Variants in CHEK2 observed in about 807,000 individuals in gnomAD.
CHEK2 encodes checkpoint kinase 2, also known as serine/threonine-protein kinase Chk2.
Under a neutral mutation model 69.1 loss-of-function variants are expected in CHEK2, and 71 were observed. That is an observed-to-expected ratio of 1.03 (90% CI 0.85 to 1.25). CHEK2 has a LOEUF of 1.25. CHEK2 is among the 50% of genes most tolerant of loss of function. The probability of loss-of-function intolerance (pLI) is 0.00; values close to 1 mark genes in which losing one functional copy is unlikely to be tolerated. For synonymous variants in CHEK2, 189 were observed against 226.9 expected (o/e 0.83, Z 1.50); for missense variants, 664 against 649.6 (o/e 1.02, Z -0.24).
intron 5 of CHEK2, 60 bp downstream of exon 5, chr22:28,719,335 C>T: frequency 2.3e-6 from 2 of 858,846 alleles, no homozygotes; most frequent in Non-Finnish European, 3.7e-6. Flanking sequence ...AAATGAGAAA[C>T]CACCAATCAC....
intron 13 of CHEK2, chr22:28,689,429 C>T: frequency 1.8e-6 from 1 of 543,708 alleles, no homozygotes; most frequent in Admixed American, 2.4e-5. Context: ...TCAATCCTGG[C>T]TGACTCACAT....
chr22:28,692,809 G>C (rs1264065754), intron 13 of CHEK2, among the ~76,000 whole-genome samples: 1 of 152,230 alleles, frequency 6.6e-6, no homozygotes, highest in African/African-American at 2.4e-5. Flanking sequence ...GTTGAGAGGT[G>C]ATTGGCTCAT....
chr22:28,726,074 G>A (rs1386317719), intron 2 of CHEK2, among the ~76,000 whole-genome samples: 1 of 151,890 alleles, frequency 6.6e-6, no homozygotes, highest in Non-Finnish European at 1.5e-5. Context: ...CGTGGTGGCG[G>A]GTGCCTGTAA....
At chr22:28,726,433 T>C (rs1224496553) in intron 2 of CHEK2, 2 of 147,046 alleles carry the variant, frequency 1.4e-5, no homozygotes, top group Non-Finnish European at 3.0e-5. Context: ...TTATATATAA[T>C]ATATATAATT....
intron 4 of CHEK2, among the ~76,000 whole-genome samples, chr22:28,719,901 A>C (rs1156415978): frequency 6.6e-6 from 1 of 152,170 alleles, no homozygotes; most frequent in Non-Finnish European, 1.5e-5. Flanking sequence ...TAAATATCCC[A>C]ATGAAAATTA....
intron 13 of CHEK2, among the ~76,000 whole-genome samples, chr22:28,690,743 G>A (rs2052330597): frequency 6.6e-6 from 1 of 151,812 alleles, no homozygotes; most frequent in Admixed American, 6.6e-5. Context: ...TCATGGTGCA[G>A]TGATCATGCC....
chr22:28,725,124 C>T lies in CHEK2; in HGVS notation c.445G>A (p.Glu149Lys), dbSNP rs587782560. The change falls in exon 4 of 15, where the codon GAA (glutamate) becomes AAA (lysine). Residue 149 changes from glutamate (E) to lysine (K), a missense_variant and splice_region_variant. Glu to Lys is a moderately conservative substitution (Grantham distance 56). Coordinates refer to ENST00000404276, the MANE Select transcript of CHEK2 (RefSeq NM_007194.4). The stretch of plus-strand genomic sequence containing the variant: ...ATGTAAGAGTTTTTAGGACCCACTT[C>T]CTAAAATAGAGAACATTTTGTTTCA... ...YSKKHFRIFREVGPKNSYIAY... is the reference protein window; with the variant it reads ...YSKKHFRIFRKVGPKNSYIAY... The T allele has an allele frequency of 6.2e-7, 1 of 1,614,084 alleles. No individual in the cohort carries two copies. Among genetic ancestry groups the T allele is most frequent in the Non-Finnish European group, 8.5e-7 (1 of 1,180,010 alleles).
intron 1 of CHEK2, among the ~76,000 whole-genome samples, chr22:28,735,133 C>T (rs920471854): frequency 1.3e-5 from 2 of 152,112 alleles, no homozygotes; most frequent in East Asian, 3.9e-4. Context: ...GGGGGCCAGG[C>T]GCGGGGGTTC....
chr22:28,710,357 G>C (rs558176833), intron 6 of CHEK2, among the ~76,000 whole-genome samples: 1 of 152,186 alleles, frequency 6.6e-6, no homozygotes, highest in African/African-American at 2.4e-5. Flanking sequence ...GGCAACCAAG[G>C]CTCAGAAAAC....
chr22:28,734,395 G>T lies in CHEK2; in HGVS notation c.319+8C>A, dbSNP rs776443322. Reference sequence around the variant, plus strand: ...CAAAACGTGATACTATACAACAAAGGGTCTTACCAAGATTGGCAAATCCAT... The same window carrying T: ...CAAAACGTGATACTATACAACAAAGTGTCTTACCAAGATTGGCAAATCCAT... On this transcript the variant is annotated splice_region_variant and intron_variant, in intron 2 of 14. Coordinates refer to ENST00000404276, the MANE Select transcript of CHEK2 (RefSeq NM_007194.4). 2 of 1,612,782 alleles carry T rather than the reference G, an allele frequency of 1.2e-6. No homozygotes were observed. The highest frequency in any genetic ancestry group is 2.7e-5 in the African/African-American group (2 of 74,842).
rs2053939966 is a variant in CHEK2 at position 28,725,021 on chromosome 22, A to G, written c.548T>C (p.Leu183Ser). ...CAGTGCAATTTCAGAATTGTTATTC[A>G]AAGGACGGCGTTTTCCTTTCCCTAC... The part of the protein sequence containing the change: ...ELVGKGKRRP[L>S]NNNSEIALSL... The change falls in exon 4 of 15, where the codon TTG becomes TCG. Residue 183 changes from leucine (L) to serine (S), a missense_variant. By Grantham distance (145) the Leu-to-Ser change is moderately radical (BLOSUM62 -2). Transcript: ENST00000404276. 1 of 1,614,064 alleles carries G rather than the reference A, an allele frequency of 6.2e-7. No individual in the cohort carries two copies. The highest frequency in any genetic ancestry group is 8.5e-7 in the Non-Finnish European group (1 of 1,179,990).
chr22:28,735,569 A>G (rs2054378763), intron 1 of CHEK2, among the ~76,000 whole-genome samples: 1 of 152,162 alleles, frequency 6.6e-6, no homozygotes, highest in Non-Finnish European at 1.5e-5. Flanking sequence ...TACATGAGAT[A>G]TTTAACACCT....
intron 6 of CHEK2, among the ~76,000 whole-genome samples, 183 bp downstream of exon 6, chr22:28,711,726 A>G (rs552669904): frequency 2.0e-4 from 30 of 152,272 alleles, no homozygotes; most frequent in Admixed American, 1.5e-3. Flanking sequence ...CAAATTATCT[A>G]TAAGTAAAAG....
chr22:28,731,337 G>A (rs1436453232), intron 2 of CHEK2, among the ~76,000 whole-genome samples: 3 of 152,112 alleles, frequency 2.0e-5, no homozygotes, highest in African/African-American at 7.2e-5. Context: ...GGTGGCTCGC[G>A]CCTGTAATCC....
At chr22:28,716,382 A>G (rs2053589150) in intron 5 of CHEK2, among the ~76,000 whole-genome samples, 1 of 151,480 alleles carries the variant, frequency 6.6e-6, no homozygotes, top group Non-Finnish European at 1.5e-5. Context: ...TTTTTAGTAG[A>G]GACAGGGTTT....
chr22:28,702,340 G>T (rs545544460), intron 8 of CHEK2, among the ~76,000 whole-genome samples: 1 of 150,976 alleles, frequency 6.6e-6, no homozygotes, highest in Non-Finnish European at 1.5e-5. Context: ...CTGGGTTCAC[G>T]CCATTCTCCT....
intron 2 of CHEK2, among the ~76,000 whole-genome samples, chr22:28,731,317 G>A (rs940868576): frequency 3.3e-5 from 5 of 152,188 alleles, no homozygotes; most frequent in East Asian, 1.9e-4. Flanking sequence ...AAACAGCCTC[G>A]GCCAGACGTG....
chr22:28,734,023 G>C (rs911502329), intron 2 of CHEK2, among the ~76,000 whole-genome samples: 29 of 152,046 alleles, frequency 1.9e-4, no homozygotes, highest in South Asian at 1.2e-3. Context: ...TGCATAAGGC[G>C]TCAATCCACA....
chr22:28,711,782 A>T lies in CHEK2; in HGVS notation c.792+127T>A. 5.6e-6 allele frequency: 4 copies of T among 710,154 alleles called. No individual in the cohort carries two copies. The South Asian group carries it at 6.3e-5, about 11-fold the overall frequency. The allele number at this position is 710,154 out of a possible 1,614,324, so 44.0% of individuals were successfully genotyped here. ...GCCCCAAAATTTTCCATGTTCTTTG[A>T]TACTCACAAATTCATCCATCTAAGC... On this transcript the variant is annotated intron_variant, in intron 6 of 14. Transcript: ENST00000404276.
Sources: gnomAD v4.1 joint callset for allele counts (sites outside exome capture counted in the v4.1 genomes callset) on GRCh38, gnomAD v4.1.1 for gene constraint, MANE v1.5 for transcripts, NCBI Gene and HGNC (gene_info 2026-07-23, HGNC 2026-07-21) for gene names.